ARHGEF4: variants seen among roughly 807,000 people sequenced by gnomAD.
The protein encoded by ARHGEF4 is Rho guanine nucleotide exchange factor 4, also known as APC-stimulated guanine nucleotide exchange factor 1.
Under a neutral mutation model 162.0 loss-of-function variants are expected in ARHGEF4, and 119 were observed. The ratio of observed to expected loss-of-function variants is 0.73; its 90% CI spans 0.63 to 0.86. The LOEUF (loss-of-function observed/expected upper bound fraction) is 0.86, where lower values mean the gene tolerates loss of function less well. ARHGEF4 is among the 40% of genes least tolerant of loss of function. The pLI, the probability that ARHGEF4 is intolerant of heterozygous loss-of-function variation, is 0.00. For missense variants in ARHGEF4, 2,488 were observed against 2,456.0 expected, an observed-to-expected ratio of 1.01 and a Z score of -0.28; for synonymous variants, 1,014 against 979.9, an observed-to-expected ratio of 1.03 and a Z score of -0.65.
intron 5 of ARHGEF4, among the ~76,000 whole-genome samples, chr2:131,029,619 T>C (rs984382165): frequency 2.0e-5 from 3 of 150,798 alleles, no homozygotes; most frequent in African/African-American, 7.4e-5. Context: ...GGCACAGTGG[T>C]CTCGGCTAAC....
chr2:130,907,817 G>GTGA (rs1680926176), intron 1 of ARHGEF4, among the ~76,000 whole-genome samples: 1 of 151,804 alleles, frequency 6.6e-6, no homozygotes, highest in Admixed American at 6.6e-5. Context: ...TTAGCCAGGC[G>GTGA]TGGTGGCATG....
At chr2:131,041,744 G>A (rs932275405) in intron 9 of ARHGEF4, 71 bp from the exon 10 acceptor site, 1 of 1,567,208 alleles carries the variant, frequency 6.4e-7, no homozygotes, top group Non-Finnish European at 8.6e-7. Context: ...CCACACGTGG[G>A]GGCTGCAGGG....
chr2:131,026,287 CAG>C (rs1352614793), intron 4 of ARHGEF4, among the ~76,000 whole-genome samples: 6 of 152,148 alleles, frequency 3.9e-5, no homozygotes, highest in Non-Finnish European at 7.4e-5. Flanking sequence ...TAAAGGATAA[CAG>C]AGAAGAATAT....
chr2:130,960,975 G>A (rs575053467), intron 4 of ARHGEF4, among the ~76,000 whole-genome samples: 7 of 152,252 alleles, frequency 4.6e-5, no homozygotes, highest in African/African-American at 1.4e-4. Context: ...CATGGGGCTC[G>A]GCTGTCTGGC....
At chr2:130,900,309 C>T (rs970569550) in intron 1 of ARHGEF4, among the ~76,000 whole-genome samples, 2 of 152,146 alleles carry the variant, frequency 1.3e-5, no homozygotes, top group African/African-American at 4.8e-5. Flanking sequence ...TGCTGATAGT[C>T]CTCAACTATA....
intron 4 of ARHGEF4, among the ~76,000 whole-genome samples, chr2:131,014,067 G>C (rs1002553902): frequency 1.3e-5 from 2 of 152,174 alleles, no homozygotes; most frequent in Admixed American, 6.5e-5. Context: ...AAAGGAATAT[G>C]TGACATAACT....
intron 1 of ARHGEF4, chr2:130,837,765 G>C: frequency 3.2e-6 from 1 of 315,426 alleles, no homozygotes; most frequent in Non-Finnish European, 6.3e-6. Context: ...CTCCTACTCC[G>C]GGAGCAACTG....
At position 130,931,075 on chromosome 2, in the gene ARHGEF4, C is replaced by T. The variant is rs1246987609; in HGVS notation, c.3676C>T (p.Leu1226Phe). 1 of 1,614,198 alleles carries T rather than the reference C, an allele frequency of 6.2e-7. No homozygotes were observed. Among genetic ancestry groups the T allele is most frequent in the Non-Finnish European group, 8.5e-7 (1 of 1,180,034 alleles). Residue 1226 changes from leucine (L) to phenylalanine (F), a missense_variant, in exon 3 of 14, where the codon CTC becomes TTC. Physicochemically the swap from Leu to Phe is conservative, Grantham distance 22. Around this residue, in one of 6 missense-constraint regions of ARHGEF4, gnomAD observed 1,642 missense variants for 1,481.5 expected, o/e 1.11. Transcript: ENST00000409359. ...CACTGACATGGTGACATGGGCCCTC[C>T]TCTGCATCTCTGCAGAGACTGTGCG... is the stretch of plus-strand genomic sequence containing the variant. ...FTTDMVTWAL[L>F]CISAETVRGE...
intron 1 of ARHGEF4, among the ~76,000 whole-genome samples, chr2:130,908,409 G>C (rs897568011): frequency 3.3e-5 from 5 of 152,240 alleles, no homozygotes; most frequent in Non-Finnish European, 7.3e-5. Context: ...AGGCGTGGTG[G>C]CTCACGCCTG....
chr2:130,937,669 A>ATTTCTTGTGTCTTTGTATCATAAT (rs1553427811), intron 3 of ARHGEF4, among the ~76,000 whole-genome samples: 1 of 140,890 alleles, frequency 7.1e-6, no homozygotes, highest in Non-Finnish European at 1.5e-5. Context: ...TTGTATCATA[A>ATTTCTTGTGTCTTTGTATCATAAT]TTTTTTTTTT....
At chr2:130,948,434 G>C (rs1683754812) in intron 4 of ARHGEF4, among the ~76,000 whole-genome samples, 1 of 152,216 alleles carries the variant, frequency 6.6e-6, no homozygotes, top group African/African-American at 2.4e-5. Flanking sequence ...AAGTCATAGA[G>C]TTATTTAGAG....
chr2:130,850,300 G>T (rs539617273), intron 1 of ARHGEF4, among the ~76,000 whole-genome samples: 1 of 152,328 alleles, frequency 6.6e-6, no homozygotes, highest in South Asian at 2.1e-4. Context: ...TGTGTCCCTG[G>T]TACCCCTCAT....
chr2:130,908,893 C>T (rs1681005673), intron 1 of ARHGEF4, among the ~76,000 whole-genome samples: 1 of 152,110 alleles, frequency 6.6e-6, no homozygotes, highest in African/African-American at 2.4e-5. Context: ...GACACGTCAC[C>T]AGAAAAGATG....
chr2:130,851,959 A>G (rs965266982), intron 1 of ARHGEF4, among the ~76,000 whole-genome samples: 2 of 152,262 alleles, frequency 1.3e-5, no homozygotes, highest in Non-Finnish European at 2.9e-5. Context: ...GAATACAGAC[A>G]ATCAGAATTG....
Position 131,040,271 on chromosome 2 carries a change from G to C in ARHGEF4, c.4493G>C (p.Arg1498Pro), listed in dbSNP as rs1012668307. ...HLRDICEGYV[R>P]QCRKRADMFS... ...CACGTCCGCCCGCAGGGCTACGTCCGGCAGTGCCGCAAGCGCGCAGACATG... is the reference window on the plus strand; with the variant it reads ...CACGTCCGCCCGCAGGGCTACGTCCCGCAGTGCCGCAAGCGCGCAGACATG... Residue 1498 changes from arginine (R) to proline (P), a missense_variant, in exon 8 of 14, where the codon CGG (arginine) becomes CCG (proline). Coordinates refer to ENST00000409359, the MANE Select transcript of ARHGEF4 (RefSeq NM_001367493.1). 1 of 1,612,570 alleles carries C rather than the reference G, an allele frequency of 6.2e-7. No individual in the cohort carries two copies. The highest frequency in any genetic ancestry group is 2.2e-5 in the East Asian group (1 of 44,864).
At chr2:131,008,268 T>C (rs1272363833) in intron 4 of ARHGEF4, among the ~76,000 whole-genome samples, 1 of 152,228 alleles carries the variant, frequency 6.6e-6, no homozygotes, top group African/African-American at 2.4e-5. Flanking sequence ...AATACATACT[T>C]GTGTGCTTTT....
chr2:130,945,210 A>G (rs1683532655), intron 3 of ARHGEF4, among the ~76,000 whole-genome samples: 1 of 151,906 alleles, frequency 6.6e-6, no homozygotes, highest in African/African-American at 2.4e-5. Flanking sequence ...TCTCCCAGGC[A>G]CTTCCTGGTG....
chr2:130,839,300 C>T (rs915962785), intron 1 of ARHGEF4, among the ~76,000 whole-genome samples: 15 of 152,184 alleles, frequency 9.9e-5, no homozygotes, highest in African/African-American at 3.6e-4. Flanking sequence ...CTGGTGTCCC[C>T]AGGGATTGGT....
chr2:130,914,853 C>T lies in ARHGEF4; in HGVS notation c.907C>T (p.Leu303Phe). The T allele has an allele frequency of 2.0e-6, 3 of 1,469,582 alleles. No individual in the cohort carries two copies. Among genetic ancestry groups the T allele is most frequent in the Non-Finnish European group, 2.7e-6 (3 of 1,109,152 alleles). 91.0% of individuals were successfully genotyped at this position (1,469,582 alleles called of 1,614,324 possible). The change falls in exon 2 of 14, where the codon CTC (leucine) becomes TTC (phenylalanine). Residue 303 changes from leucine (L) to phenylalanine (F), a missense_variant. By Grantham distance (22) the Leu-to-Phe change is conservative. Around this residue, in one of 6 missense-constraint regions of ARHGEF4, gnomAD observed 1,642 missense variants for 1,481.5 expected, o/e 1.11. Coordinates refer to ENST00000409359, the MANE Select transcript of ARHGEF4 (RefSeq NM_001367493.1). ...PCQPPLRTSC[L>F]LRTNRHHSAP... ...CCAGCCTCCTTTGAGGACATCTTGC[C>T]TCCTACGCACCAACCGTCACCATAG...
Sources: gnomAD v4.1 joint callset for allele counts (sites outside exome capture counted in the v4.1 genomes callset) on GRCh38, gnomAD v4.1.1 for gene constraint, gnomAD v4.1.1 regional missense constraint, MANE v1.5 for transcripts, NCBI Gene and HGNC (gene_info 2026-07-23, HGNC 2026-07-21) for gene names.